PDGFRB: variants seen among roughly 807,000 people sequenced by gnomAD.
PDGFRB encodes the protein platelet-derived growth factor receptor beta.
PDGFRB carries 42 observed loss-of-function variants against 120.2 expected under a neutral mutation model. That is an observed-to-expected ratio of 0.35 (90% confidence interval 0.27 to 0.45). The LOEUF is 0.45. Among genes scored for constraint, PDGFRB ranks in the 20% least tolerant of loss-of-function variants. PDGFRB has a pLI of 1.00. For synonymous variants in PDGFRB, 586 were observed against 606.8 expected, an observed-to-expected ratio of 0.97 and a Z score of 0.50; for missense variants, 1,149 against 1,476.3, an observed-to-expected ratio of 0.78 and a Z score of 3.63.
chr5:150,118,663 G>A, intron 21 of PDGFRB, 84 bp downstream of exon 21: 1 of 852,862 alleles, frequency 1.2e-6, no homozygotes, highest in Non-Finnish European at 2.0e-6. Flanking sequence ...CTAAATGCCA[G>A]CCCATCACGC....
intron 19 of PDGFRB, 75 bp downstream of exon 19, chr5:150,119,937 C>T (rs552422972): frequency 1.9e-4 from 153 of 817,260 alleles, no homozygotes; most frequent in South Asian, 1.8e-3. Context: ...CATAGCCCCA[C>T]CAGGCCAGAG....
At position 150,133,585 on chromosome 5, in the gene PDGFRB, C is replaced by T. The variant is rs1295454055; in HGVS notation, c.934+1G>A. On this transcript the variant is annotated splice_donor_variant, in intron 6 of 22. Coordinates refer to ENST00000261799, the MANE Select transcript of PDGFRB (RefSeq NM_002609.4). LOFTEE classifies it high-confidence loss of function. ...GATTGGGCTGAGCCCAAGGCACACA[C>T]CAACCACGGTGATGTTGATGGCCTT... 6.2e-7 allele frequency: 1 copy of T among 1,613,172 alleles called. No homozygotes were observed. Among genetic ancestry groups the T allele is most frequent in the Non-Finnish European group, 8.5e-7 (1 of 1,179,234 alleles).
At chr5:150,141,568 C>A (rs76051996) in intron 1 of PDGFRB, among the ~76,000 whole-genome samples, 25 of 152,144 alleles carry the variant, frequency 1.6e-4, no homozygotes, top group Non-Finnish European at 2.9e-4. Context: ...CCAGCTCCAC[C>A]GCTTCTCTGA....
rs187378951 is a variant in PDGFRB, at chr5:150,129,982, C to G, written c.1368-14G>C. On this transcript the variant is annotated splice_polypyrimidine_tract_variant and intron_variant, in intron 9 of 22. Coordinates refer to ENST00000261799, the MANE Select transcript of PDGFRB (RefSeq NM_002609.4). ...TCACGTGGACACCTGCCAGGAGAGCCGGTAGGGTTGGCTGCCAGCCCCTTC... is the reference window on the plus strand; with the variant it reads ...TCACGTGGACACCTGCCAGGAGAGCGGGTAGGGTTGGCTGCCAGCCCCTTC... The G allele has an allele frequency of 6.2e-7, 1 of 1,608,272 alleles. No individual in the cohort carries two copies. The highest frequency in any genetic ancestry group is 8.5e-7 in the Non-Finnish European group (1 of 1,175,686).
chr5:150,146,824 C>T (rs1359698109), intron 1 of PDGFRB, among the ~76,000 whole-genome samples: 1 of 152,190 alleles, frequency 6.6e-6, no homozygotes, highest in Non-Finnish European at 1.5e-5. Context: ...TAATGGCGTC[C>T]ATACGGAATC....
intron 19 of PDGFRB, among the ~76,000 whole-genome samples, chr5:150,119,779 C>T (rs1381116391): frequency 6.6e-6 from 1 of 152,234 alleles, no homozygotes; most frequent in East Asian, 1.9e-4. Context: ...GCCAAGCAGG[C>T]TTTCTGATGT....
chr5:150,139,138 A>G (rs1320844653), intron 1 of PDGFRB, among the ~76,000 whole-genome samples: 1 of 152,156 alleles, frequency 6.6e-6, no homozygotes, highest in Non-Finnish European at 1.5e-5. Flanking sequence ...GCTAGGAGGT[A>G]TGCTTTTTGA....
At chr5:150,122,170 G>A in intron 15 of PDGFRB, 130 bp from the exon 16 acceptor site, 2 of 709,342 alleles carry the variant, frequency 2.8e-6, no homozygotes, top group Non-Finnish European at 4.7e-6. Context: ...ATCCCAGTAG[G>A]AAAGCCTGTG....
chr5:150,155,387 C>T lies in PDGFRB; in HGVS notation c.-7+10G>A. Reference sequence around the variant, plus strand: ...ATGGGGCTGGGGTTCCCACTTTTTCCAGCACTTACCTTGCTGCTGATGGCT... The same window carrying T: ...ATGGGGCTGGGGTTCCCACTTTTTCTAGCACTTACCTTGCTGCTGATGGCT... On this transcript the variant is annotated intron_variant, in intron 1 of 22. Transcript: ENST00000261799. 2.8e-6 allele frequency: 1 copy of T among 360,106 alleles called. No individual in the cohort carries two copies. The highest frequency in any genetic ancestry group is 4.9e-6 in the Non-Finnish European group (1 of 205,062). 22.3% of individuals were successfully genotyped at this position (360,106 alleles called of 1,614,324 possible).
intron 22 of PDGFRB, 74 bp downstream of exon 22, chr5:150,117,544 G>GCGCGCGCGCGCGCGCA (rs369019315): frequency 2.1e-6 from 1 of 467,038 alleles, no homozygotes; most frequent in African/African-American, 3.0e-5. Context: ...GCGCGCGCGC[G>GCGCGCGCGCGCGCGCA]CACACACACA....
intron 1 of PDGFRB, among the ~76,000 whole-genome samples, chr5:150,155,195 T>A (rs1761197389): frequency 6.6e-6 from 1 of 151,194 alleles, no homozygotes; most frequent in Non-Finnish European, 1.5e-5. Flanking sequence ...TGGAGGCCAC[T>A]CACCCCAGAG....
At chr5:150,122,868 T>G (rs1262180490) in intron 15 of PDGFRB, among the ~76,000 whole-genome samples, 174 bp downstream of exon 15, 1 of 152,220 alleles carries the variant, frequency 6.6e-6, no homozygotes, top group Non-Finnish European at 1.5e-5. Flanking sequence ...GGCCTGGCAT[T>G]AGTGTTATTC....
At chr5:150,119,013 A>G (rs147495522) in intron 20 of PDGFRB, among the ~76,000 whole-genome samples, 161 bp from the exon 21 acceptor site, 1 of 152,288 alleles carries the variant, frequency 6.6e-6, no homozygotes, top group East Asian at 1.9e-4. Flanking sequence ...GTCTCTGGAT[A>G]TTCCCTTGGG....
In PDGFRB at chr5:150,121,278, C is replaced by A. The variant is rs757702025; in HGVS notation, c.2389G>T (p.Val797Leu). ...CRATLINESP[V>L]LSYMDLVGFS... ...CCCACGAGGTCCATGTAGCTTAGCA[C>A]TGGAGACTCGTTGATCAAAGTTGCT... Residue 797 changes from valine (V) to leucine (L), a missense_variant, in exon 17 of 23, where the codon GTG becomes TTG. Around this residue, in one of 3 missense-constraint regions of PDGFRB, gnomAD observed 879 missense variants for 1,108.6 expected, o/e 0.79. Coordinates refer to ENST00000261799, the MANE Select transcript of PDGFRB (RefSeq NM_002609.4). The surrounding 1 kb of genome is among the most constrained non-coding windows in gnomAD (Gnocchi z 4.1). 5.0e-6 allele frequency: 8 copies of A among 1,607,700 alleles called. No individual in the cohort carries two copies. The highest frequency in any genetic ancestry group is 6.8e-6 in the Non-Finnish European group (8 of 1,174,184).
Position 150,114,588 on chromosome 5 carries a change from C to T in PDGFRB, c.*1175G>A. 4.3e-6 allele frequency: 1 copy of T among 233,348 alleles called. No homozygotes were observed. The highest frequency in any genetic ancestry group is 8.5e-6 in the Non-Finnish European group (1 of 117,900). The allele number at this position is 233,348 out of a possible 1,614,324, so 14.5% of individuals were successfully genotyped here. ...CTGTCACTCTAAGTCAAGGCCTGTG[C>T]AGCTGTGTTCTTGAGACTTGCTGGG... is the stretch of plus-strand genomic sequence containing the variant. On this transcript the variant is annotated 3_prime_UTR_variant, in exon 23 of 23. Transcript: ENST00000261799.
intron 22 of PDGFRB, among the ~76,000 whole-genome samples, chr5:150,117,340 A>G (rs906812163): frequency 6.6e-6 from 1 of 152,138 alleles, no homozygotes; most frequent in Non-Finnish European, 1.5e-5. Flanking sequence ...GAGTATAGAT[A>G]ACCTCTGGGG....
Position 150,120,611 on chromosome 5 carries a change from G to A in PDGFRB, c.2586+277C>T, listed in dbSNP as rs1043250659. Among the ~76,000 whole-genome samples, 1 of 152,074 alleles carries A rather than the reference G, an allele frequency of 6.6e-6. No individual in the cohort carries two copies. Among genetic ancestry groups the A allele is most frequent in the African/African-American group, 2.4e-5 (1 of 41,388 alleles). ...CTTCTTCCTCTGCCCACCACCACTG[G>A]AACAACACATTCGGCCTGTTCCCCC... On this transcript the variant is annotated intron_variant, in intron 18 of 22. Transcript: ENST00000261799. The surrounding 1 kb of genome is among the most constrained non-coding windows in gnomAD (Gnocchi z 4.3).
intron 13 of PDGFRB, 21 bp downstream of exon 13, chr5:150,124,706 A>T: frequency 8.5e-7 from 1 of 1,178,942 alleles, no homozygotes; most frequent in Non-Finnish European, 1.3e-6. Flanking sequence ...CCAGATGTGG[A>T]GGGCTCCAAG....
intron 1 of PDGFRB, among the ~76,000 whole-genome samples, chr5:150,138,654 C>T (rs942903842): frequency 2.6e-5 from 4 of 152,234 alleles, no homozygotes; most frequent in Non-Finnish European, 5.9e-5. Flanking sequence ...TTCTGACGCC[C>T]CCTCCAGCCT....
Sources: gnomAD v4.1 joint callset for allele counts (sites outside exome capture counted in the v4.1 genomes callset) on GRCh38, gnomAD v4.1.1 for gene constraint, gnomAD v4.1.1 regional missense constraint, Gnocchi (gnomAD v3.1) non-coding constraint, MANE v1.5 for transcripts, NCBI Gene and HGNC (gene_info 2026-07-23, HGNC 2026-07-21) for gene names.